Variants in LIPA observed in about 807,000 individuals in gnomAD.
The protein encoded by LIPA is lipase A, lysosomal acid type.
A neutral mutation model predicts 40.6 loss-of-function variants in LIPA; 26 were observed. The ratio of observed to expected loss-of-function variants is 0.64; its 90% CI spans 0.47 to 0.89. The LOEUF (loss-of-function observed/expected upper bound fraction) is 0.89, where lower values mean the gene tolerates loss of function less well. Ranked by LOEUF, LIPA falls within the 40% of genes least tolerant of loss-of-function variation. LIPA has a pLI of 0.00. For synonymous variants in LIPA, 188 were observed against 168.4 expected (o/e 1.12, Z -0.90); for missense variants, 455 against 479.6 (o/e 0.95, Z 0.48).
At chr10:89,370,118 A>T (rs1844083267) in intron 2 of LIPA, among the ~76,000 whole-genome samples, 1 of 152,262 alleles carries the variant, frequency 6.6e-6, no homozygotes, top group South Asian at 2.1e-4. Flanking sequence ...TAATTAAAAT[A>T]AAATCTAAAA....
chr10:89,222,546 C>T lies in LIPA; in HGVS notation c.859G>A (p.Gly287Arg). 6.2e-7 allele frequency: 1 copy of T among 1,610,788 alleles called. No individual in the cohort carries two copies. ...VDVYTTHSPA[G>R]TSVQNMLHWS... ...TGTAACATGTTTTGCACAGAAGTTCCAGCAGGAGAATGTGTTGTATATACA... is the reference window on the plus strand; with the variant it reads ...TGTAACATGTTTTGCACAGAAGTTCTAGCAGGAGAATGTGTTGTATATACA... The change falls in exon 8 of 10, where the codon GGA (glycine) becomes AGA (arginine). Residue 287 changes from glycine to arginine, a missense_variant. Transcript: ENST00000336233.
intron 1 of LIPA, among the ~76,000 whole-genome samples, chr10:89,304,755 GT>G (rs952162515): frequency 5.3e-5 from 8 of 151,716 alleles, no homozygotes; most frequent in South Asian, 2.1e-4. Context: ...TTTTTTAGGG[GT>G]TTTTTTGTTG....
intron 7 of LIPA, among the ~76,000 whole-genome samples, chr10:89,223,349 T>C (rs1047816821): frequency 3.3e-5 from 5 of 152,178 alleles, no homozygotes; most frequent in Non-Finnish European, 5.9e-5. Context: ...CCCCACTGTC[T>C]ATTGTTCCCA....
At position 89,383,462 on chromosome 10, in the gene LIPA, A is replaced by G. The variant is rs763121756; in HGVS notation, c.61+29329T>C. ...GAGATTCAGTTCCTGGACACCAAATACAATGTGGGAATACACAACCTACTA... is the reference window on the plus strand; with the variant it reads ...GAGATTCAGTTCCTGGACACCAAATGCAATGTGGGAATACACAACCTACTA... On this transcript the variant is annotated intron_variant, in intron 2 of 8. Transcript: ENST00000371837. 128 of 1,614,130 alleles carry G rather than the reference A, an allele frequency of 7.9e-5. No homozygotes were observed. Among genetic ancestry groups the G allele is most frequent in the Non-Finnish European group, 1.1e-4 (126 of 1,180,056 alleles).
At chr10:89,381,115 G>T (rs933574751) in intron 2 of LIPA, among the ~76,000 whole-genome samples, 1 of 152,162 alleles carries the variant, frequency 6.6e-6, no homozygotes, top group Non-Finnish European at 1.5e-5. Context: ...TGTGCTGGGT[G>T]GGCTAGCAGC....
At chr10:89,272,103 T>A (rs979074824) in intron 1 of LIPA, among the ~76,000 whole-genome samples, 11 of 152,140 alleles carry the variant, frequency 7.2e-5, no homozygotes, top group African/African-American at 2.4e-4. Flanking sequence ...ACTTTTGTTT[T>A]AAGCTCAGGG....
chr10:89,319,036 C>A (rs1169247582), intron 1 of LIPA, among the ~76,000 whole-genome samples: 1 of 152,152 alleles, frequency 6.6e-6, no homozygotes, highest in Admixed American at 6.5e-5. Flanking sequence ...ACACAACACA[C>A]CAGAATCTCT....
At chr10:89,370,356 C>G (rs190143745) in intron 2 of LIPA, among the ~76,000 whole-genome samples, 1 of 151,942 alleles carries the variant, frequency 6.6e-6, no homozygotes, top group East Asian at 1.9e-4. Context: ...TTCCAACTAA[C>G]TAGGACTACA....
At chr10:89,281,463 AT>A (rs1431434529) in intron 1 of LIPA, among the ~76,000 whole-genome samples, 15 of 152,346 alleles carry the variant, frequency 9.8e-5, no homozygotes, top group African/African-American at 3.6e-4. Context: ...TTGAAAAAAA[AT>A]AAAAGTCTCT....
intron 2 of LIPA, among the ~76,000 whole-genome samples, chr10:89,395,333 A>G (rs947029026): frequency 3.3e-5 from 5 of 152,114 alleles, no homozygotes; most frequent in Non-Finnish European, 7.4e-5. Flanking sequence ...CTGGCCTCCC[A>G]TAAAGGCTTG....
In LIPA at chr10:89,394,274, T is replaced by C. The variant is rs928688763; in HGVS notation, c.61+18517A>G. Among the ~76,000 whole-genome samples, 8 of 152,316 alleles carry C rather than the reference T, an allele frequency of 5.3e-5. No individual in the cohort carries two copies. The South Asian group carries it at 6.2e-4, about 12-fold the overall frequency. On this transcript the variant is annotated intron_variant, in intron 2 of 8. Coordinates refer to the LIPA transcript ENST00000371837. The stretch of plus-strand genomic sequence containing the variant: ...GCAAAATTGTGGCATTAAAATCTTA[T>C]AGGACCACCACCAAATATGTGGTCC...
chr10:89,349,695 T>A (rs1226618336), intron 2 of LIPA, among the ~76,000 whole-genome samples: 2 of 151,804 alleles, frequency 1.3e-5, no homozygotes, highest in Non-Finnish European at 2.9e-5. Context: ...GTTGGAGGGG[T>A]TACACTCCCT....
At chr10:89,408,583 G>A (rs58761256) in intron 2 of LIPA, among the ~76,000 whole-genome samples, 6,554 of 152,194 alleles carry the variant, frequency 0.043, 490 homozygotes, top group African/African-American at 0.15. Context: ...TAGGGGGAGG[G>A]GAATTTGGCC....
chr10:89,327,323 G>A (rs541881656), intron 1 of LIPA, among the ~76,000 whole-genome samples: 6 of 152,126 alleles, frequency 3.9e-5, no homozygotes, highest in African/African-American at 1.4e-4. Context: ...GGCCAAGGTG[G>A]TTGGATCACC....
intron 1 of LIPA, chr10:89,339,100 T>A (rs1843800901): frequency 6.2e-7 from 1 of 1,613,782 alleles, no homozygotes; most frequent in Non-Finnish European, 8.5e-7. Flanking sequence ...ACAACTGAAG[T>A]GTGGAAGAAA....
intron 2 of LIPA, among the ~76,000 whole-genome samples, chr10:89,351,359 A>G (rs1307593947): frequency 2.0e-5 from 3 of 152,236 alleles, no homozygotes; most frequent in Admixed American, 6.5e-5. Context: ...TTCCTCTCCT[A>G]CAATCATAAA....
chr10:89,278,284 T>C (rs1843298690), intron 1 of LIPA: 1 of 152,236 alleles, frequency 6.6e-6, no homozygotes, highest in Admixed American at 6.5e-5. Context: ...CATGGCTGGA[T>C]TGGCTCCAAG....
chr10:89,357,896 C>T (rs1843996625), intron 2 of LIPA, among the ~76,000 whole-genome samples: 1 of 152,110 alleles, frequency 6.6e-6, no homozygotes, highest in Admixed American at 6.5e-5. Flanking sequence ...TAAGGTATAT[C>T]TTATTCAAAA....
chr10:89,352,788 T>TAAAAAA (rs34514402), intron 2 of LIPA, among the ~76,000 whole-genome samples: 2 of 113,142 alleles, frequency 1.8e-5, no homozygotes, highest in African/African-American at 3.2e-5. Flanking sequence ...ACTACAAAGA[T>TAAAAAA]AAAAAAAAAA....
Sources: gnomAD v4.1 joint callset for allele counts (sites outside exome capture counted in the v4.1 genomes callset) on GRCh38, gnomAD v4.1.1 for gene constraint, MANE v1.5 for transcripts, NCBI Gene and HGNC (gene_info 2026-07-23, HGNC 2026-07-21) for gene names.